The following TMEM235 variants were observed in gnomAD, a reference collection of about 807,000 sequenced individuals.
TMEM235 encodes claudin-27.
A neutral mutation model predicts 22.9 loss-of-function variants in TMEM235; 23 were observed. The ratio of observed to expected loss-of-function variants is 1.00; its 90% CI spans 0.72 to 1.42. The LOEUF is 1.42. TMEM235 is among the 40% of genes most tolerant of loss of function. The pLI is 0.00. For synonymous variants in TMEM235, 137 were observed against 140.5 expected, an observed-to-expected ratio of 0.98 and a Z score of 0.17; for missense variants, 308 against 299.5, an observed-to-expected ratio of 1.03 and a Z score of -0.21.
exon 2 of TMEM235, chr17:78,231,928 G>T: frequency 1.0e-6 from 1 of 976,698 alleles, no homozygotes; most frequent in Non-Finnish European, 1.2e-6. Flanking sequence ...CGCCGCGCCC[G>T]CCCGCCCCCC....
intron 4 of TMEM235, among the ~76,000 whole-genome samples, chr17:78,236,320 C>T (rs1205447448): frequency 1.3e-5 from 2 of 152,196 alleles, no homozygotes; most frequent in African/African-American, 2.4e-5. Flanking sequence ...GGGTTTGGCA[C>T]AGATGAGGCA....
chr17:78,233,082 G>A (rs1284746213), intron 2 of TMEM235, among the ~76,000 whole-genome samples: 2 of 152,214 alleles, frequency 1.3e-5, no homozygotes, highest in Non-Finnish European at 2.9e-5. Flanking sequence ...TAGGAGCCTT[G>A]TGTTCATCCA....
chr17:78,234,199 G>T, intron 3 of TMEM235: 1 of 702,788 alleles, frequency 1.4e-6, no homozygotes, highest in Non-Finnish European at 2.6e-6. Flanking sequence ...CCTCTCAGTG[G>T]TGATGGCTCA....
At chr17:78,234,642 C>G in exon 4 of TMEM235, 1 of 1,536,228 alleles carries the variant, frequency 6.5e-7, no homozygotes, top group Non-Finnish European at 8.7e-7. Flanking sequence ...TGGTCCTTCT[C>G]GTGTGTGGCT....
intron 2 of TMEM235, among the ~76,000 whole-genome samples, chr17:78,232,560 G>C (rs2076595351): frequency 6.6e-6 from 1 of 152,230 alleles, no homozygotes; most frequent in African/African-American, 2.4e-5. Context: ...CCCGGGGTTT[G>C]GGCCTGGCAG....
chr17:78,234,043 C>A, intron 3 of TMEM235, 68 bp downstream of exon 2: 1 of 1,321,138 alleles, frequency 7.6e-7, no homozygotes, highest in Non-Finnish European at 1.0e-6. Context: ...CCCAGCCATC[C>A]CCATCCCCAT....
At chr17:78,233,222 G>A (rs561181575) in intron 2 of TMEM235, among the ~76,000 whole-genome samples, 1 of 152,212 alleles carries the variant, frequency 6.6e-6, no homozygotes, top group African/African-American at 2.4e-5. Context: ...CACATGACAC[G>A]AGTCAGGAAG....
intron 5 of TMEM235, 61 bp downstream of exon 4, chr17:78,239,334 C>A: frequency 6.7e-7 from 1 of 1,484,104 alleles, no homozygotes; most frequent in South Asian, 1.3e-5. Flanking sequence ...GGCCAGGGCC[C>A]CTTGAGAGTC....
rs1469505609 is a variant in TMEM235, at chr17:78,239,380, G to A, written c.659+107G>A. On this transcript the variant is annotated intron_variant, in intron 5 of 5. Transcript: ENST00000421688. ...TTCTCTGGGCCTCGCTGGGGTCCTG[G>A]CCAGGAAGGGGCTGGGGGTGACAAG... 5.3e-6 allele frequency: 7 copies of A among 1,329,734 alleles called. No individual in the cohort carries two copies. In the African/African-American group the frequency reaches 1.0e-4, roughly 20 times the overall value. The allele number at this position is 1,329,734 out of a possible 1,614,324, so 82.4% of individuals were successfully genotyped here.
exon 4 of TMEM235, chr17:78,234,631 C>T (rs1387338619): frequency 6.5e-7 from 1 of 1,536,264 alleles, no homozygotes; most frequent in Admixed American, 2.0e-5. Flanking sequence ...GCCCCTGAGC[C>T]TGGTCCTTCT....
At chr17:78,234,034 C>A in intron 3 of TMEM235, 59 bp downstream of exon 2, 1 of 1,388,868 alleles carries the variant, frequency 7.2e-7, no homozygotes, top group Non-Finnish European at 9.7e-7. Flanking sequence ...AAGGCAGATC[C>A]CAGCCATCCC....
exon 3 of TMEM235, chr17:78,233,923 C>T: frequency 3.9e-6 from 6 of 1,535,880 alleles, no homozygotes; most frequent in Non-Finnish European, 5.2e-6. Context: ...CGCTGGTCGA[C>T]CCTTTTGCCA....
chr17:78,233,920 C>G, exon 3 of TMEM235: 11 of 1,535,916 alleles, frequency 7.2e-6, no homozygotes, highest in Non-Finnish European at 9.6e-6. Context: ...TCCCGCTGGT[C>G]GACCCTTTTG....
exon 4 of TMEM235, chr17:78,234,655 A>G (rs963173106): frequency 7.2e-6 from 11 of 1,535,958 alleles, no homozygotes; most frequent in African/African-American, 6.8e-5. Flanking sequence ...GTGTGGCTGG[A>G]TCTGCGGCCT....
Position 78,239,233 on chromosome 17 carries a change from C to G in TMEM235, c.619C>G (p.Pro207Ala), listed in dbSNP as rs963292537. Residue 207 changes from proline to alanine, a missense_variant, in exon 5 of 6, where the codon CCA (proline) becomes GCA (alanine). Around this residue, in one of 2 missense-constraint regions of TMEM235, gnomAD observed 285 missense variants for 256.2 expected, o/e 1.11. Transcript: ENST00000421688. ...TGCCTGGACCCTCAGCCTGAGCCCCCCAATCTGTGGTCATCTGAGTCCCCA... is the reference window on the plus strand; with the variant it reads ...TGCCTGGACCCTCAGCCTGAGCCCCGCAATCTGTGGTCATCTGAGTCCCCA... 8 of 1,542,758 alleles carry G rather than the reference C, an allele frequency of 5.2e-6. No individual in the cohort carries two copies. The highest frequency in any genetic ancestry group is 4.1e-5 in the African/African-American group (3 of 73,058).
At chr17:78,234,955 A>G (rs2076627360) in intron 4 of TMEM235, among the ~76,000 whole-genome samples, 1 of 152,218 alleles carries the variant, frequency 6.6e-6, no homozygotes, top group African/African-American at 2.4e-5. Flanking sequence ...TGCGTAATTT[A>G]TAAAGAAAAG....
In TMEM235 at chr17:78,234,331, G is replaced by A. The variant is rs151009328; in HGVS notation, c.272-262G>A. The A allele has an allele frequency of 3.7e-3, 2,595 of 699,902 alleles. 57 individuals carry two copies. In the African/African-American group the frequency reaches 0.04, roughly 11 times the overall value. The allele number at this position is 699,902 out of a possible 1,614,324, so 43.4% of individuals were successfully genotyped here. On this transcript the variant is annotated intron_variant, in intron 3 of 5. Transcript: ENST00000421688. ...AGATGGCCTGCTGTCTACCTGGCTG[G>A]CACCTTCCACCTGGCGGGTTGGGGG...
intron 2 of TMEM235, among the ~76,000 whole-genome samples, 154 bp from the exon 2 acceptor site, chr17:78,233,741 G>T (rs987085635): frequency 6.6e-6 from 1 of 152,000 alleles, no homozygotes; most frequent in Non-Finnish European, 1.5e-5. Context: ...TAAAGGTCTT[G>T]GGCCTTTTCA....
chr17:78,239,973 G>A lies in TMEM235; in HGVS notation c.*181G>A, dbSNP rs1032121931. 4.5e-6 allele frequency: 7 copies of A among 1,548,256 alleles called. No individual in the cohort carries two copies. The African/African-American group carries it at 6.8e-5, about 15-fold the overall frequency. Reference sequence around the variant, plus strand: ...TTGCAGGGGTGGGGGGCAAGGAGCTGAGCGATCCAGATGTACCCCTCTGCC... The same window carrying A: ...TTGCAGGGGTGGGGGGCAAGGAGCTAAGCGATCCAGATGTACCCCTCTGCC... On this transcript the variant is annotated 3_prime_UTR_variant, in exon 6 of 6. Transcript: ENST00000421688.
Sources: allele counts gnomAD v4.1 joint callset (sites outside exome capture counted in the v4.1 genomes callset), GRCh38; gene constraint gnomAD v4.1.1; regional missense constraint gnomAD v4.1.1; transcripts MANE v1.5; gene names NCBI Gene and HGNC (gene_info 2026-07-23, HGNC 2026-07-21).